Variants in MYLK observed in about 807,000 individuals in gnomAD.
The protein encoded by MYLK is myosin light chain kinase, smooth muscle.
MYLK carries 106 observed loss-of-function variants against 203.4 expected under a neutral mutation model. That is an observed-to-expected ratio of 0.52 (90% confidence interval 0.45 to 0.61). MYLK has a LOEUF of 0.61. Among genes scored for constraint, MYLK ranks in the 20% least tolerant of loss-of-function variants. The pLI is 0.00. For synonymous variants in MYLK, 867 were observed against 959.5 expected (o/e 0.90, Z 1.78); for missense variants, 2,072 against 2,442.3 (o/e 0.85, Z 3.20).
At chr3:123,693,208 C>T (rs896398047) in intron 18 of MYLK, among the ~76,000 whole-genome samples, 3 of 152,146 alleles carry the variant, frequency 2.0e-5, no homozygotes, top group Admixed American at 6.5e-5. Flanking sequence ...GCCCCCTGGA[C>T]GTCACCAAGA....
chr3:123,844,612 G>A (rs1238922893), intron 2 of MYLK, among the ~76,000 whole-genome samples: 1 of 152,098 alleles, frequency 6.6e-6, no homozygotes, highest in Non-Finnish European at 1.5e-5. Context: ...CACTCCATCG[G>A]GTTGTGATAA....
intron 29 of MYLK, among the ~76,000 whole-genome samples, chr3:123,631,259 A>C (rs901709406): frequency 6.6e-6 from 1 of 152,106 alleles, no homozygotes. Context: ...TTAGCTGGGC[A>C]TGGTGGCAAG....
intron 4 of MYLK, among the ~76,000 whole-genome samples, chr3:123,761,199 C>T (rs977030126): frequency 1.4e-4 from 21 of 152,370 alleles, no homozygotes; most frequent in Admixed American, 1.4e-3. Flanking sequence ...GACTCAGACA[C>T]TGGCCACAGA....
chr3:123,801,746 A>G (rs1294641495), intron 3 of MYLK, among the ~76,000 whole-genome samples: 2 of 152,188 alleles, frequency 1.3e-5, no homozygotes, highest in Non-Finnish European at 1.5e-5. Flanking sequence ...TGTTGCTGCA[A>G]AGGACATGAT....
intron 24 of MYLK, among the ~76,000 whole-genome samples, chr3:123,654,852 G>A (rs1342966613): frequency 6.6e-6 from 1 of 151,600 alleles, no homozygotes; most frequent in African/African-American, 2.4e-5. Context: ...GAGTAGCTGG[G>A]ACCACAGGCG....
chr3:123,670,089 T>A (rs1469790177), intron 20 of MYLK, among the ~76,000 whole-genome samples: 1 of 142,530 alleles, frequency 7.0e-6, no homozygotes, highest in Non-Finnish European at 1.5e-5. Flanking sequence ...CTTTGAGGAA[T>A]CTAGATGAAG....
chr3:123,675,619 G>A (rs1041405253), intron 20 of MYLK, among the ~76,000 whole-genome samples: 12 of 152,308 alleles, frequency 7.9e-5, no homozygotes, highest in African/African-American at 2.4e-4. Flanking sequence ...CTGGATGTCT[G>A]CCTCTCTGGG....
Position 123,614,175 on chromosome 3 carries a change from G to A in MYLK, c.5675C>T (p.Thr1892Ile), listed in dbSNP as rs368231398. 10 of 1,613,974 alleles carry A rather than the reference G, an allele frequency of 6.2e-6. No homozygotes were observed. In the Admixed American group the frequency reaches 1.5e-4, roughly 24 times the overall value. ...CKAVNSLGEA[T>I]CTAELIVETM... ...TTCCACAATGAGCTCTGCTGTGCAG[G>A]TGGCTTCTCCAAGACTGTTGACAGC... The change falls in exon 34 of 34, where the codon ACC becomes ATC. Residue 1892 changes from threonine to isoleucine, a missense_variant. By Grantham distance (89) the Thr-to-Ile change is moderately conservative (BLOSUM62 -1). Coordinates refer to ENST00000360304, the MANE Select transcript of MYLK (RefSeq NM_053025.4).
rs1045150032 is a variant in MYLK, at chr3:123,722,041, A to G, written c.1804+87T>C. On this transcript the variant is annotated intron_variant, in intron 13 of 33. Transcript: ENST00000360304. ...TCTGCTCCCTGGATTTGAGCTCATG[A>G]TACCATTTTCTACAAATGTGCCCTT... The G allele has an allele frequency of 6.6e-6, 10 of 1,520,074 alleles. No individual in the cohort carries two copies. In the African/African-American group the frequency reaches 1.2e-4, roughly 19 times the overall value. The allele number at this position is 1,520,074 out of a possible 1,614,324, so 94.2% of individuals were successfully genotyped here.
chr3:123,830,922 G>T (rs142404813), intron 3 of MYLK, among the ~76,000 whole-genome samples: 50 of 152,320 alleles, frequency 3.3e-4, no homozygotes, highest in Non-Finnish European at 6.2e-4. Flanking sequence ...GCTGCCCAAA[G>T]AAGGCACTGT....
rs781730221 is a variant in MYLK at position 123,647,294 on chromosome 3, G to A, written c.4549C>T (p.His1517Tyr). 1 of 1,614,200 alleles carries A rather than the reference G, an allele frequency of 6.2e-7. No homozygotes were observed. The stretch of plus-strand genomic sequence containing the variant: ...ACACACTGGACCAGCTTAGGGTGGT[G>A]GAGGCAGTTCATGATGCTAATCTCC... ...RQEISIMNCLHHPKLVQCVDA... is the reference protein window; with the variant it reads ...RQEISIMNCLYHPKLVQCVDA... Residue 1517 changes from histidine to tyrosine, a missense_variant, in exon 27 of 34, where the codon CAC becomes TAC. Physicochemically the swap from His to Tyr is moderately conservative, Grantham distance 83. Coordinates refer to ENST00000360304, the MANE Select transcript of MYLK (RefSeq NM_053025.4).
intron 19 of MYLK, among the ~76,000 whole-genome samples, chr3:123,682,750 G>A (rs2060313485): frequency 6.6e-6 from 1 of 152,188 alleles, no homozygotes; most frequent in Non-Finnish European, 1.5e-5. Context: ...TGGACTAGAG[G>A]TGGCGCACAG....
chr3:123,619,039 T>C (rs1354502573), intron 32 of MYLK, among the ~76,000 whole-genome samples: 1 of 152,192 alleles, frequency 6.6e-6, no homozygotes, highest in African/African-American at 2.4e-5. Flanking sequence ...AAATCATCTT[T>C]AAAAAGGATT....
chr3:123,711,189 C>T (rs1452453435), intron 13 of MYLK, among the ~76,000 whole-genome samples: 2 of 151,444 alleles, frequency 1.3e-5, no homozygotes, highest in Non-Finnish European at 2.9e-5. Flanking sequence ...GAAAGCAGGT[C>T]AGTAGTGGTG....
intron 20 of MYLK, among the ~76,000 whole-genome samples, chr3:123,668,183 C>A (rs546939407): frequency 6.6e-6 from 1 of 152,292 alleles, no homozygotes; most frequent in East Asian, 1.9e-4. Flanking sequence ...GCTCAAAAGC[C>A]ATCTAACCTA....
chr3:123,821,557 C>T (rs913695896), intron 3 of MYLK, among the ~76,000 whole-genome samples: 1 of 152,194 alleles, frequency 6.6e-6, no homozygotes, highest in African/African-American at 2.4e-5. Flanking sequence ...CCAGCTTAAA[C>T]TTTACAGGGC....
chr3:123,699,840 C>G (rs1000640271), intron 18 of MYLK, among the ~76,000 whole-genome samples, 180 bp downstream of exon 18: 7 of 152,232 alleles, frequency 4.6e-5, no homozygotes, highest in Admixed American at 4.6e-4. Context: ...CGGGACCTAT[C>G]CTTGAGTTAG....
chr3:123,686,322 C>T (rs1207784798), intron 19 of MYLK, among the ~76,000 whole-genome samples: 1 of 151,066 alleles, frequency 6.6e-6, no homozygotes, highest in Non-Finnish European at 1.5e-5. Context: ...ATAGACAATG[C>T]CTCACCCCTC....
intron 11 of MYLK, among the ~76,000 whole-genome samples, 177 bp from the exon 12 acceptor site, chr3:123,726,255 G>C (rs1439265960): frequency 6.6e-6 from 1 of 152,142 alleles, no homozygotes; most frequent in Non-Finnish European, 1.5e-5. Context: ...AGTGATGTAG[G>C]GACATGGAGC....
Sources: gnomAD v4.1 joint callset for allele counts (sites outside exome capture counted in the v4.1 genomes callset) on GRCh38, gnomAD v4.1.1 for gene constraint, MANE v1.5 for transcripts, NCBI Gene and HGNC (gene_info 2026-07-23, HGNC 2026-07-21) for gene names.